The following MED9 variants were observed in gnomAD, a reference collection of about 807,000 sequenced individuals.
MED9 encodes the protein mediator complex subunit 9, also known as mediator of RNA polymerase II transcription subunit 9.
Under a neutral mutation model 13.2 loss-of-function variants are expected in MED9, and 8 were observed. That is an observed-to-expected ratio of 0.61 (90% CI 0.36 to 1.10). The LOEUF is 1.10. MED9 is among the 50% of genes least tolerant of loss of function. The pLI, the probability that MED9 is intolerant of heterozygous loss-of-function variation, is 0.02. For synonymous variants in MED9, 87 were observed against 82.8 expected, an observed-to-expected ratio of 1.05 and a Z score of -0.28; for missense variants, 180 against 193.4, an observed-to-expected ratio of 0.93 and a Z score of 0.41.
Position 17,483,774 on chromosome 17 carries a change from TA to T in MED9, c.224+6514del, listed in dbSNP as rs1190647304. 6.6e-6 allele frequency among the ~76,000 whole-genome samples: 1 copy of T among 151,866 alleles called. No individual in the cohort carries two copies. The highest frequency in any genetic ancestry group is 2.4e-5 in the African/African-American group (1 of 41,332). On this transcript the variant is annotated intron_variant, in intron 1 of 1. Transcript: ENST00000268711. This position sits in a 1 kb window ranked among gnomAD's most constrained non-coding sequence, Gnocchi z 4.2. ...CAACACGGTGAAACCCTGTCTCTGC[TA>T]AAAATACAAAAATTAGCTGGATGTG... is the stretch of plus-strand genomic sequence containing the variant.
intron 1 of MED9, among the ~76,000 whole-genome samples, chr17:17,478,926 G>T (rs1421556496): frequency 4.6e-5 from 7 of 152,000 alleles, no homozygotes; most frequent in Non-Finnish European, 1.5e-5. Context: ...CTGTGATAAT[G>T]ATCATAGACA....
In MED9 at chr17:17,477,271, A is replaced by G; in HGVS notation, c.224+6A>G. On this transcript the variant is annotated splice_donor_region_variant and intron_variant, in intron 1 of 1. Transcript: ENST00000268711. ...GTTCACAACATCATCAAATGGTAAG[A>G]ACCTAGGAGAGGACCAGGCCCCATA... 1 of 1,577,204 alleles carries G rather than the reference A, an allele frequency of 6.3e-7. No homozygotes were observed. The highest frequency in any genetic ancestry group is 8.6e-7 in the Non-Finnish European group (1 of 1,158,928).
intron 1 of MED9, among the ~76,000 whole-genome samples, chr17:17,480,549 G>A (rs1272219089): frequency 6.6e-6 from 1 of 152,188 alleles, no homozygotes; most frequent in Admixed American, 6.5e-5. Context: ...CCAGCACCTG[G>A]GCAGGCTGAG....
At chr17:17,491,235 C>T (rs777463817) in intron 1 of MED9, 44 bp from the exon 2 acceptor site, 11 of 1,555,060 alleles carry the variant, frequency 7.1e-6, no homozygotes, top group Non-Finnish European at 9.7e-6. Context: ...AACGCCAAGA[C>T]GTGTATCAAG....
chr17:17,490,292 C>T lies in MED9; in HGVS notation c.225-987C>T, dbSNP rs1905206159. On this transcript the variant is annotated intron_variant, in intron 1 of 1. Coordinates refer to ENST00000268711, the MANE Select transcript of MED9 (RefSeq NM_018019.3). Reference sequence around the variant, plus strand: ...CTCTACTAAAAATACAAAAATTATCCGGGCGTGTTGGCATGCGCCTGTAAT... The same window carrying T: ...CTCTACTAAAAATACAAAAATTATCTGGGCGTGTTGGCATGCGCCTGTAAT... 2.0e-5 allele frequency among the ~76,000 whole-genome samples: 3 copies of T among 152,142 alleles called. No homozygotes were observed. In the South Asian group the frequency reaches 6.2e-4, roughly 31 times the overall value.
At chr17:17,478,969 C>T (rs922702554) in intron 1 of MED9, among the ~76,000 whole-genome samples, 1 of 152,022 alleles carries the variant, frequency 6.6e-6, no homozygotes, top group Non-Finnish European at 1.5e-5. Flanking sequence ...AATCCTAGGG[C>T]AGTGCTGGAT....
chr17:17,490,817 G>A (rs1316905617), intron 1 of MED9, among the ~76,000 whole-genome samples: 1 of 152,210 alleles, frequency 6.6e-6, no homozygotes. Context: ...TAGACAAAAT[G>A]TCGTATTTCA....
Position 17,492,018 on chromosome 17 carries a change from G to A in MED9, c.*523G>A, listed in dbSNP as rs529203727. ...GCCTGCACTCATATGGCATAGAATT[G>A]TGAGAGAATGTTTTGAAAGGCCAGA... On this transcript the variant is annotated 3_prime_UTR_variant, in exon 2 of 2. Coordinates refer to ENST00000268711, the MANE Select transcript of MED9 (RefSeq NM_018019.3). 1 of 161,702 alleles carries A rather than the reference G, an allele frequency of 6.2e-6. No homozygotes were observed. Among genetic ancestry groups the A allele is most frequent in the South Asian group, 1.7e-4 (1 of 5,856 alleles). The allele number at this position is 161,702 out of a possible 1,614,324, so 10.0% of individuals were successfully genotyped here.
intron 1 of MED9, chr17:17,487,303 C>T (rs1011290813): frequency 2.0e-5 from 3 of 152,398 alleles, no homozygotes; most frequent in Admixed American, 1.3e-4. Context: ...CCAGCAGTGG[C>T]AACCCGCTTG....
intron 1 of MED9, among the ~76,000 whole-genome samples, chr17:17,482,457 T>C (rs1475250709): frequency 6.6e-6 from 1 of 152,250 alleles, no homozygotes; most frequent in Non-Finnish European, 1.5e-5. Context: ...ACTTTTATTT[T>C]TCCCTATAAA....
intron 1 of MED9, among the ~76,000 whole-genome samples, chr17:17,478,598 G>T (rs1904968903): frequency 6.6e-6 from 1 of 152,176 alleles, no homozygotes; most frequent in Non-Finnish European, 1.5e-5. Flanking sequence ...GGTGTCTCAT[G>T]CCTGTAATCC....
At chr17:17,481,680 A>G (rs1170080673) in intron 1 of MED9, among the ~76,000 whole-genome samples, 1 of 152,236 alleles carries the variant, frequency 6.6e-6, no homozygotes, top group Non-Finnish European at 1.5e-5. Flanking sequence ...TGGATGCAGC[A>G]TAACTGATGG....
chr17:17,490,132 A>G (rs72826284), intron 1 of MED9, among the ~76,000 whole-genome samples: 4,571 of 152,292 alleles, frequency 0.03, 108 homozygotes, highest in Non-Finnish European at 0.042. Flanking sequence ...TCCACTTACT[A>G]ACTTTTAAAA....
chr17:17,484,706 G>A (rs975660178), intron 1 of MED9, among the ~76,000 whole-genome samples: 4 of 152,224 alleles, frequency 2.6e-5, no homozygotes, highest in Non-Finnish European at 5.9e-5. Context: ...GGTGTTTCCA[G>A]TCTGCCTAAA....
At chr17:17,484,276 T>G (rs572331538) in intron 1 of MED9, among the ~76,000 whole-genome samples, 1 of 152,228 alleles carries the variant, frequency 6.6e-6, no homozygotes. Context: ...TTCAATGTTT[T>G]AATTCTTTAC....
At chr17:17,481,090 G>T (rs1255149238) in intron 1 of MED9, among the ~76,000 whole-genome samples, 1 of 152,210 alleles carries the variant, frequency 6.6e-6, no homozygotes, top group African/African-American at 2.4e-5. Flanking sequence ...AGAGGTGGCT[G>T]GGGAGGAGGG....
At position 17,483,825 on chromosome 17, in the gene MED9, T is replaced by C. The variant is rs1351737557; in HGVS notation, c.224+6560T>C. 6.6e-6 allele frequency among the ~76,000 whole-genome samples: 1 copy of C among 151,334 alleles called. No individual in the cohort carries two copies. Among genetic ancestry groups the C allele is most frequent in the Non-Finnish European group, 1.5e-5 (1 of 67,940 alleles). ...GGTGGTGCACGCCTGTAATCCCAGCTACTAGGGAGGCTGAGGCAGGAGAAT... is the reference window on the plus strand; with the variant it reads ...GGTGGTGCACGCCTGTAATCCCAGCCACTAGGGAGGCTGAGGCAGGAGAAT... On this transcript the variant is annotated intron_variant, in intron 1 of 1. Coordinates refer to ENST00000268711, the MANE Select transcript of MED9 (RefSeq NM_018019.3). The surrounding 1 kb of genome is among the most constrained non-coding windows in gnomAD (Gnocchi z 4.2).
rs2142467690 is a variant in MED9, at chr17:17,477,208, G to C, written c.167G>C (p.Arg56Pro). Residue 56 changes from arginine (R) to proline (P), a missense_variant, in exon 1 of 2, where the codon CGC (arginine) becomes CCC (proline). By Grantham distance (103) the Arg-to-Pro change is moderately radical. Coordinates refer to ENST00000268711, the MANE Select transcript of MED9 (RefSeq NM_018019.3). ...GCGCCACGGCCTCAGTCACCTGCCC[G>C]CGCGAGGGAGGAAGAGAACTACTCC... The part of the protein sequence containing the change: ...SPAPRPQSPA[R>P]AREEENYSFL... 1 of 1,610,498 alleles carries C rather than the reference G, an allele frequency of 6.2e-7. No individual in the cohort carries two copies. Among genetic ancestry groups the C allele is most frequent in the East Asian group, 2.2e-5 (1 of 44,760 alleles).
intron 1 of MED9, chr17:17,484,875 C>T (rs1327156757): frequency 6.6e-6 from 1 of 152,256 alleles, no homozygotes; most frequent in Non-Finnish European, 1.5e-5. Flanking sequence ...TTACGTGGGT[C>T]CTGGGAAGGG....
Sources: gnomAD v4.1 joint callset for allele counts (sites outside exome capture counted in the v4.1 genomes callset) on GRCh38, gnomAD v4.1.1 for gene constraint, Gnocchi (gnomAD v3.1) non-coding constraint, MANE v1.5 for transcripts, NCBI Gene and HGNC (gene_info 2026-07-23, HGNC 2026-07-21) for gene names.